CACUL1: variants seen among roughly 807,000 people sequenced by gnomAD.
The protein encoded by CACUL1 is CDK2-associated and cullin domain-containing protein 1.
In CACUL1, 13 loss-of-function variants were observed where a neutral mutation model predicts 45.2. The observed-to-expected ratio is 0.29, with a 90% CI of 0.19 to 0.46. CACUL1 has a LOEUF of 0.46. Ranked by LOEUF, CACUL1 falls within the 20% of genes least tolerant of loss-of-function variation. The probability of loss-of-function intolerance (pLI) is 1.00; values close to 1 mark genes in which losing one functional copy is unlikely to be tolerated. For missense variants in CACUL1, 421 were observed against 471.4 expected (o/e 0.89, Z 0.99); for synonymous variants, 197 against 174.2 (o/e 1.13, Z -1.03).
At chr10:118,754,319 T>C in intron 1 of CACUL1, 77 bp downstream of exon 1, 4 of 1,424,394 alleles carry the variant, frequency 2.8e-6, no homozygotes, top group Non-Finnish European at 3.7e-6. Flanking sequence ...GAAGCGGAGC[T>C]TTCTCCAAGA....
At position 118,754,891 on chromosome 10, in the gene CACUL1, C is replaced by T; in HGVS notation, c.-129G>A. The T allele has an allele frequency of 3.8e-6, 5 of 1,312,744 alleles. No individual in the cohort carries two copies. The highest frequency in any genetic ancestry group is 5.1e-6 in the Non-Finnish European group (5 of 973,124). 81.3% of individuals were successfully genotyped at this position (1,312,744 alleles called of 1,614,324 possible). On this transcript the variant is annotated 5_prime_UTR_variant, in exon 1 of 9. Coordinates refer to ENST00000369151, the MANE Select transcript of CACUL1 (RefSeq NM_153810.5). ...GGAATGGGCGCAGCGGAGAGGGCTG[C>T]GGTGCGCAGGGTCTCTCGCTCTCCG...
At chr10:118,716,803 C>T (rs543050716) in intron 3 of CACUL1, among the ~76,000 whole-genome samples, 10 of 152,108 alleles carry the variant, frequency 6.6e-5, no homozygotes, top group Non-Finnish European at 1.3e-4. Flanking sequence ...ACGGTTTCAC[C>T]GTGTTAGCCA....
intron 3 of CACUL1, among the ~76,000 whole-genome samples, chr10:118,727,414 A>AC (rs1272264827): frequency 6.6e-6 from 1 of 151,314 alleles, no homozygotes; most frequent in African/African-American, 2.4e-5. Context: ...AAAAAAAAAA[A>AC]AAACACTAAC....
chr10:118,692,388 T>C (rs1356021308), intron 6 of CACUL1: 1 of 152,218 alleles, frequency 6.6e-6, no homozygotes, highest in Admixed American at 6.5e-5. Flanking sequence ...AGTATCTTTA[T>C]TATAACGAAT....
In CACUL1 at chr10:118,685,258, T is replaced by A. The variant is rs1845192564; in HGVS notation, c.*870A>T. The A allele has an allele frequency of 6.6e-6, 1 of 152,624 alleles. No homozygotes were observed. Among genetic ancestry groups the A allele is most frequent in the African/African-American group, 2.4e-5 (1 of 41,438 alleles). The allele number at this position is 152,624 out of a possible 1,614,324, so 9.5% of individuals were successfully genotyped here. Reference sequence around the variant, plus strand: ...CATCCCTAAACTAGAGTACTGCCAATACTATAGCAGCTGGTGACAGACATC... The same window carrying A: ...CATCCCTAAACTAGAGTACTGCCAAAACTATAGCAGCTGGTGACAGACATC... On this transcript the variant is annotated 3_prime_UTR_variant, in exon 9 of 9. Transcript: ENST00000369151.
At chr10:118,734,664 T>C (rs1845724845) in intron 1 of CACUL1, among the ~76,000 whole-genome samples, 1 of 152,212 alleles carries the variant, frequency 6.6e-6, no homozygotes, top group Admixed American at 6.5e-5. Flanking sequence ...CAGCAGAATG[T>C]GTGTTGCCCT....
At chr10:118,724,211 G>A (rs1564835384) in intron 3 of CACUL1, among the ~76,000 whole-genome samples, 1 of 152,144 alleles carries the variant, frequency 6.6e-6, no homozygotes, top group Non-Finnish European at 1.5e-5. Flanking sequence ...ACCCCCACAA[G>A]TGTTGTCAAA....
Position 118,680,904 on chromosome 10 carries a change from A to G in CACUL1, c.*5224T>C, listed in dbSNP as rs1426873164. ...TGCTATAAGCAAAATCAAATATTCTATATTATAACAAAGTTCCAGTGAACC... is the reference window on the plus strand; with the variant it reads ...TGCTATAAGCAAAATCAAATATTCTGTATTATAACAAAGTTCCAGTGAACC... On this transcript the variant is annotated 3_prime_UTR_variant, in exon 9 of 9. Coordinates refer to ENST00000369151, the MANE Select transcript of CACUL1 (RefSeq NM_153810.5). 2.0e-5 allele frequency: 3 copies of G among 152,348 alleles called. No individual in the cohort carries two copies. Among genetic ancestry groups the G allele is most frequent in the Middle Eastern group, 3.4e-3 (1 of 294 alleles). The allele number at this position is 152,348 out of a possible 1,614,324, so 9.4% of individuals were successfully genotyped here. A position where few individuals can be genotyped will look rare whatever the true frequency, so the allele number is the denominator to read the frequency against.
rs939692576 is a variant in CACUL1, at chr10:118,737,026, C to T, written c.368-6616G>A. On this transcript the variant is annotated intron_variant, in intron 1 of 8. Coordinates refer to ENST00000369151, the MANE Select transcript of CACUL1 (RefSeq NM_153810.5). Reference sequence around the variant, plus strand: ...GTAAGTATACCCTATGATGTTCCCACAGTGTACAAAATCGCCTAACAAAAC... The same window carrying T: ...GTAAGTATACCCTATGATGTTCCCATAGTGTACAAAATCGCCTAACAAAAC... 2.0e-4 allele frequency among the ~76,000 whole-genome samples: 30 copies of T among 151,576 alleles called. 1 individual carries two copies. The highest frequency in any genetic ancestry group is 7.0e-4 in the African/African-American group (29 of 41,196).
chr10:118,693,081 C>T (rs1018134955), intron 6 of CACUL1: 3 of 152,176 alleles, frequency 2.0e-5, no homozygotes, highest in Non-Finnish European at 4.4e-5. Context: ...TAAATGAAAA[C>T]GGGCAGAATA....
In CACUL1 at chr10:118,678,200, G is replaced by T. The variant is rs1445957380; in HGVS notation, c.*7928C>A. 6.6e-6 allele frequency: 1 copy of T among 152,120 alleles called. No individual in the cohort carries two copies. The allele number at this position is 152,120 out of a possible 1,614,324, so 9.4% of individuals were successfully genotyped here. On this transcript the variant is annotated 3_prime_UTR_variant, in exon 9 of 9. Coordinates refer to ENST00000369151, the MANE Select transcript of CACUL1 (RefSeq NM_153810.5). ...CTGATTTGCATTCAGGTGCTCTTTA[G>T]CAGTTATATTATGAATATTTGTATC... is the stretch of plus-strand genomic sequence containing the variant.
In CACUL1 at chr10:118,679,347, A is replaced by G. The variant is rs1845129701; in HGVS notation, c.*6781T>C. ...CCCAAGCAGCTGGGATTACAGGTGTATGCCACCATGCCTAATTTTTTTTTA... is the reference window on the plus strand; with the variant it reads ...CCCAAGCAGCTGGGATTACAGGTGTGTGCCACCATGCCTAATTTTTTTTTA... On this transcript the variant is annotated 3_prime_UTR_variant, in exon 9 of 9. Transcript: ENST00000369151. The G allele has an allele frequency of 2.0e-5, 3 of 151,908 alleles. No individual in the cohort carries two copies. The highest frequency in any genetic ancestry group is 7.3e-5 in the African/African-American group (3 of 41,332). 9.4% of individuals were successfully genotyped at this position (151,908 alleles called of 1,614,324 possible).
intron 2 of CACUL1, 108 bp from the exon 3 acceptor site, chr10:118,729,505 T>C: frequency 1.3e-6 from 1 of 740,840 alleles, no homozygotes; most frequent in Admixed American, 2.5e-5. Flanking sequence ...CAATAATTCA[T>C]ACCTTCAAAA....
intron 1 of CACUL1, among the ~76,000 whole-genome samples, chr10:118,739,130 A>T (rs1459540126): frequency 6.6e-6 from 1 of 151,464 alleles, no homozygotes; most frequent in East Asian, 1.9e-4. Flanking sequence ...CGGGAGGTGG[A>T]GCTTGCAGTG....
chr10:118,734,736 G>A (rs1473582360), intron 1 of CACUL1, among the ~76,000 whole-genome samples: 1 of 152,194 alleles, frequency 6.6e-6, no homozygotes, highest in Non-Finnish European at 1.5e-5. Flanking sequence ...AAAACATCAT[G>A]CCGCAAGGCT....
In CACUL1 at chr10:118,754,692, T is replaced by A; in HGVS notation, c.71A>T (p.Asn24Ile). 1 of 1,608,476 alleles carries A rather than the reference T, an allele frequency of 6.2e-7. No individual in the cohort carries two copies. Among genetic ancestry groups the A allele is most frequent in the African/African-American group, 1.4e-5 (1 of 73,902 alleles). ...GAAGCCGTCCACCGCAGCCTCCCAGTTGTTGTGGTTCTGGTCGTCCATCAT... is the reference window on the plus strand; with the variant it reads ...GAAGCCGTCCACCGCAGCCTCCCAGATGTTGTGGTTCTGGTCGTCCATCAT... The part of the protein sequence containing the change: ...EAMMDDQNHN[N>I]WEAAVDGFRQ... The change falls in exon 1 of 9, where the codon AAC becomes ATC. Residue 24 changes from asparagine to isoleucine, a missense_variant. Physicochemically the swap from Asn to Ile is moderately radical, Grantham distance 149. Around this residue, in one of 2 missense-constraint regions of CACUL1, gnomAD observed 213 missense variants for 173.1 expected, o/e 1.23. Transcript: ENST00000369151.
intron 1 of CACUL1, among the ~76,000 whole-genome samples, chr10:118,750,776 A>C (rs1845890784): frequency 7.0e-6 from 1 of 142,018 alleles, no homozygotes; most frequent in Non-Finnish European, 1.5e-5. Flanking sequence ...GGCACTATTC[A>C]TTCAGCTTTC....
chr10:118,703,254 A>C (rs1346501271), intron 4 of CACUL1, among the ~76,000 whole-genome samples: 1 of 152,168 alleles, frequency 6.6e-6, no homozygotes, highest in East Asian at 1.9e-4. Context: ...CACTGGGAAA[A>C]CTTCTGTATA....
rs570962488 is a variant in CACUL1 at position 118,743,402 on chromosome 10, A to C, written c.367+10994T>G. On this transcript the variant is annotated intron_variant, in intron 1 of 8. Coordinates refer to ENST00000369151, the MANE Select transcript of CACUL1 (RefSeq NM_153810.5). ...AAAATTGCGGAAAACTTAAGTAAAAATTTTAAAAGTACCCAGGAAAAAAAG... is the reference window on the plus strand; with the variant it reads ...AAAATTGCGGAAAACTTAAGTAAAACTTTTAAAAGTACCCAGGAAAAAAAG... 3.0e-4 allele frequency among the ~76,000 whole-genome samples: 45 copies of C among 152,324 alleles called. 1 individual carries two copies. Among genetic ancestry groups the C allele is most frequent in the Admixed American group, 2.6e-4 (4 of 15,302 alleles).
Sources: allele counts gnomAD v4.1 joint callset (sites outside exome capture counted in the v4.1 genomes callset), GRCh38; gene constraint gnomAD v4.1.1; regional missense constraint gnomAD v4.1.1; transcripts MANE v1.5; gene names NCBI Gene and HGNC (gene_info 2026-07-23, HGNC 2026-07-21).